DHX29: variants seen among roughly 807,000 people sequenced by gnomAD.
DHX29 encodes DExH-box helicase 29, also known as ATP-dependent RNA helicase DHX29.
Under a neutral mutation model 167.9 loss-of-function variants are expected in DHX29, and 79 were observed. That is an observed-to-expected ratio of 0.47 (90% CI 0.39 to 0.57). The LOEUF is 0.57. DHX29 is among the 20% of genes least tolerant of loss of function. The probability of loss-of-function intolerance (pLI) is 0.00; values close to 1 mark genes in which losing one functional copy is unlikely to be tolerated. For missense variants in DHX29, 1,347 were observed against 1,593.4 expected, an observed-to-expected ratio of 0.85 and a Z score of 2.63; for synonymous variants, 530 against 546.0, an observed-to-expected ratio of 0.97 and a Z score of 0.41.
At chr5:55,279,204 CTA>C (rs527289454) in intron 12 of DHX29, among the ~76,000 whole-genome samples, 55 of 152,222 alleles carry the variant, frequency 3.6e-4, no homozygotes, top group African/African-American at 1.3e-3. Context: ...AATAAAAGGA[CTA>C]TATGACTGGA....
chr5:55,283,121 G>A, intron 11 of DHX29, 82 bp downstream of exon 11: 1 of 1,459,436 alleles, frequency 6.9e-7, no homozygotes, highest in Non-Finnish European at 9.2e-7. Flanking sequence ...CTCACATATG[G>A]TACACATTCC....
intron 25 of DHX29, 69 bp from the exon 26 acceptor site, chr5:55,260,013 A>T: frequency 1.2e-6 from 1 of 816,560 alleles, no homozygotes. Context: ...AAGTAAATCA[A>T]GGCAAGCCTA....
chr5:55,297,630 T>C (rs1748388167), intron 2 of DHX29, among the ~76,000 whole-genome samples: 1 of 152,032 alleles, frequency 6.6e-6, no homozygotes, highest in Non-Finnish European at 1.5e-5. Flanking sequence ...AGAAAAAGCC[T>C]CTTGAGGGCA....
intron 7 of DHX29, 33 bp from the exon 8 acceptor site, chr5:55,289,461 T>G: frequency 6.8e-7 from 1 of 1,463,838 alleles, no homozygotes; most frequent in Non-Finnish European, 9.0e-7. Context: ...TTTAGTTTCA[T>G]GGTTTTAAAA....
rs1746364049 is a variant in DHX29, at chr5:55,262,661, T to C, written c.3797A>G (p.Gln1266Arg). 1 of 1,614,014 alleles carries C rather than the reference T, an allele frequency of 6.2e-7. No homozygotes were observed. The highest frequency in any genetic ancestry group is 1.7e-5 in the Admixed American group (1 of 60,006). ...CTGGTATAAGAGCCATCCATGAGTT[T>C]GCAAATCTCGATTTACTGAGGATGG... ...VHPSSVNRDL[Q>R]THGWLLYQEK... is the part of the protein sequence containing the mutation. Residue 1266 changes from glutamine (Q) to arginine (R), a missense_variant, in exon 24 of 27, where the codon CAA becomes CGA. Transcript: ENST00000251636.
intron 3 of DHX29, 22 bp downstream of exon 3, chr5:55,297,263 C>T: frequency 8.5e-7 from 1 of 1,180,060 alleles, no homozygotes; most frequent in Non-Finnish European, 1.3e-6. Context: ...AACTAAGGAA[C>T]TTTAAAAAGT....
chr5:55,277,830 G>C lies in DHX29; in HGVS notation c.2110-548C>G, dbSNP rs568194080. Reference sequence around the variant, plus strand: ...CTGAGGCAGGAGAATCACTTGAACCGAGGAGACAGAGTTTGCAGTGAGCCA... The same window carrying C: ...CTGAGGCAGGAGAATCACTTGAACCCAGGAGACAGAGTTTGCAGTGAGCCA... On this transcript the variant is annotated intron_variant, in intron 12 of 26. Coordinates refer to ENST00000251636, the MANE Select transcript of DHX29 (RefSeq NM_019030.4). Among the ~76,000 whole-genome samples the C allele has an allele frequency of 2.7e-5, 4 of 148,918 alleles. No individual in the cohort carries two copies. The Admixed American group carries it at 2.7e-4, about 10-fold the overall frequency.
chr5:55,306,466 G>C (rs1449452791), intron 1 of DHX29, among the ~76,000 whole-genome samples: 3 of 151,922 alleles, frequency 2.0e-5, no homozygotes, highest in Admixed American at 2.0e-4. Context: ...AGATTACCCT[G>C]TTAAACTGTC....
intron 9 of DHX29, 27 bp downstream of exon 9, chr5:55,285,669 T>C (rs1236447476): frequency 2.6e-6 from 4 of 1,532,524 alleles, no homozygotes; most frequent in Non-Finnish European, 3.5e-6. Context: ...TTCAGTTAAT[T>C]AAAAACAACA....
chr5:55,276,041 C>T (rs923596625), intron 14 of DHX29, among the ~76,000 whole-genome samples: 2 of 152,032 alleles, frequency 1.3e-5, no homozygotes, highest in African/African-American at 4.8e-5. Flanking sequence ...TAAGATGGCC[C>T]AGAATAGTCT....
Position 55,256,378 on chromosome 5 carries a change from G to C in DHX29, c.*110C>G. ...CCCACCACCTTTAAGTTAATGGCTA[G>C]TACCAACATTTTAAGTAATGAAATA... On this transcript the variant is annotated 3_prime_UTR_variant, in exon 27 of 27. Transcript: ENST00000251636. 1.1e-6 allele frequency: 1 copy of C among 933,218 alleles called. No homozygotes were observed. Among genetic ancestry groups the C allele is most frequent in the Non-Finnish European group, 1.5e-6 (1 of 648,472 alleles). The allele number at this position is 933,218 out of a possible 1,614,324, so 57.8% of individuals were successfully genotyped here.
intron 3 of DHX29, 58 bp downstream of exon 3, chr5:55,297,227 G>T: frequency 1.3e-6 from 1 of 758,864 alleles, no homozygotes; most frequent in Non-Finnish European, 2.3e-6. Context: ...TCTCACATGA[G>T]GAGCTGTCTA....
At chr5:55,289,456 T>C in intron 7 of DHX29, 28 bp from the exon 8 acceptor site, 1 of 1,472,264 alleles carries the variant, frequency 6.8e-7, no homozygotes, top group Non-Finnish European at 9.0e-7. Context: ...TAATGTTTAG[T>C]TTCATGGTTT....
intron 1 of DHX29, among the ~76,000 whole-genome samples, chr5:55,305,692 A>G (rs1188958452): frequency 6.6e-6 from 1 of 152,234 alleles, no homozygotes; most frequent in Non-Finnish European, 1.5e-5. Context: ...ACACAAATGC[A>G]AAGTGAAATA....
At chr5:55,270,271 T>C (rs1438785487) in intron 20 of DHX29, 141 bp downstream of exon 20, 31 of 930,576 alleles carry the variant, frequency 3.3e-5, no homozygotes, top group Non-Finnish European at 4.9e-5. Flanking sequence ...TTACTTATAA[T>C]AAGATGGATA....
chr5:55,288,285 T>C (rs1034205183), intron 8 of DHX29, among the ~76,000 whole-genome samples: 17 of 151,960 alleles, frequency 1.1e-4, no homozygotes, highest in Admixed American at 7.9e-4. Flanking sequence ...ATGCAAATTA[T>C]AGTATTATGA....
chr5:55,290,386 G>A (rs764097149), intron 6 of DHX29, 42 bp from the exon 7 acceptor site: 9 of 1,552,132 alleles, frequency 5.8e-6, no homozygotes, highest in Non-Finnish European at 7.8e-6. Flanking sequence ...AAAAAAAGAA[G>A]AGCAAGATTA....
intron 1 of DHX29, among the ~76,000 whole-genome samples, chr5:55,306,753 A>G (rs1748884974): frequency 6.6e-6 from 1 of 152,232 alleles, no homozygotes; most frequent in Admixed American, 6.5e-5. Flanking sequence ...TCATCTTTTG[A>G]GCTCAACCGT....
chr5:55,286,268 A>G (rs963146252), intron 8 of DHX29, among the ~76,000 whole-genome samples: 1 of 151,934 alleles, frequency 6.6e-6, no homozygotes, highest in Non-Finnish European at 1.5e-5. Context: ...AAAAAAAAAA[A>G]GAACAGGTGA....
Sources: allele counts gnomAD v4.1 joint callset (sites outside exome capture counted in the v4.1 genomes callset), GRCh38; gene constraint gnomAD v4.1.1; transcripts MANE v1.5; gene names NCBI Gene and HGNC (gene_info 2026-07-23, HGNC 2026-07-21).